The following NBEA variants were observed in gnomAD, a reference collection of about 807,000 sequenced individuals.
The protein encoded by NBEA is neurobeachin, also known as lysosomal-trafficking regulator 2.
NBEA carries 44 observed loss-of-function variants against 343.4 expected under a neutral mutation model. That is an observed-to-expected ratio of 0.13 (90% CI 0.10 to 0.16). The LOEUF (loss-of-function observed/expected upper bound fraction) is 0.16. Among genes scored for constraint, NBEA ranks in the 10% least tolerant of loss-of-function variants. The pLI, the probability that NBEA is intolerant of heterozygous loss-of-function variation, is 1.00. For synonymous variants in NBEA, 1,175 were observed against 1,238.7 expected (o/e 0.95, Z 1.08); for missense variants, 2,555 against 3,631.3 (o/e 0.70, Z 7.62).
At chr13:35,420,215 G>T (rs529779720) in intron 38 of NBEA, among the ~76,000 whole-genome samples, 1 of 152,042 alleles carries the variant, frequency 6.6e-6, no homozygotes, top group Non-Finnish European at 1.5e-5. Context: ...TTTAGGTGGA[G>T]AACATTCAGT....
At chr13:35,290,361 A>G in intron 34 of NBEA, 28 bp from the exon 35 acceptor site, 1 of 1,505,098 alleles carries the variant, frequency 6.6e-7, no homozygotes, top group Non-Finnish European at 9.2e-7. Context: ...TTGTAATTTC[A>G]TTTTGTTTTA....
At chr13:35,513,141 T>C (rs1436926656) in intron 41 of NBEA, among the ~76,000 whole-genome samples, 2 of 137,602 alleles carry the variant, frequency 1.5e-5, no homozygotes, top group East Asian at 2.0e-4. Flanking sequence ...TACTTTTTTC[T>C]TTTTTTTTTT....
intron 33 of NBEA, among the ~76,000 whole-genome samples, chr13:35,219,448 G>C (rs755077746): frequency 2.0e-5 from 3 of 152,122 alleles, no homozygotes; most frequent in African/African-American, 7.2e-5. Context: ...CTCCAGTAGG[G>C]CATGAGAATT....
At chr13:34,987,764 CT>C (rs1265963932) in intron 1 of NBEA, among the ~76,000 whole-genome samples, 1 of 150,936 alleles carries the variant, frequency 6.6e-6, no homozygotes, top group Non-Finnish European at 1.5e-5. Context: ...CACTGATATT[CT>C]TTTTTCCACT....
At chr13:35,200,333 A>G (rs1216825039) in intron 31 of NBEA, among the ~76,000 whole-genome samples, 1 of 151,428 alleles carries the variant, frequency 6.6e-6, no homozygotes, top group Non-Finnish European at 1.5e-5. Context: ...TAAACTAAAA[A>G]TTTAATCTTA....
chr13:35,339,783 A>G (rs2039478324), intron 36 of NBEA, among the ~76,000 whole-genome samples: 1 of 152,048 alleles, frequency 6.6e-6, no homozygotes, highest in African/African-American at 2.4e-5. Flanking sequence ...ACCAAAGTTC[A>G]TGAGATCTCA....
intron 41 of NBEA, among the ~76,000 whole-genome samples, chr13:35,506,562 C>T (rs2077079906): frequency 6.6e-6 from 1 of 152,088 alleles, no homozygotes. Context: ...GTTAAAACAG[C>T]CCAGGGGTCA....
At chr13:35,355,770 A>G (rs1008402064) in intron 38 of NBEA, among the ~76,000 whole-genome samples, 16 of 151,888 alleles carry the variant, frequency 1.1e-4, no homozygotes, top group Non-Finnish European at 2.2e-4. Flanking sequence ...CAAAAAGTTC[A>G]TTGGTCAAAC....
chr13:34,972,169 TGTGGA>T (rs2060019950), intron 1 of NBEA, among the ~76,000 whole-genome samples: 1 of 152,174 alleles, frequency 6.6e-6, no homozygotes, highest in Admixed American at 6.6e-5. Flanking sequence ...TTTGTGTTTC[TGTGGA>T]GTATTCCCCT....
chr13:35,353,789 T>C (rs912298999), intron 38 of NBEA, among the ~76,000 whole-genome samples: 1 of 152,142 alleles, frequency 6.6e-6, no homozygotes. Context: ...AAAACTTACA[T>C]AGTATCACAC....
chr13:35,475,585 G>A, intron 41 of NBEA: 2 of 1,613,592 alleles, frequency 1.2e-6, no homozygotes, highest in Non-Finnish European at 1.7e-6. Context: ...TGGCCAGTGG[G>A]CAGCACTCCT....
intron 34 of NBEA, among the ~76,000 whole-genome samples, chr13:35,287,921 A>T (rs1398798440): frequency 6.6e-6 from 1 of 152,040 alleles, no homozygotes; most frequent in Non-Finnish European, 1.5e-5. Flanking sequence ...ATGAGTCAGC[A>T]TATATGTAAG....
chr13:35,169,509 T>TTATAATTTTATTTATAATTATA (rs1325505431), intron 25 of NBEA, among the ~76,000 whole-genome samples: 4 of 151,566 alleles, frequency 2.6e-5, no homozygotes, highest in African/African-American at 9.7e-5. Flanking sequence ...TTAATAATTC[T>TTATAATTTTATTTATAATTATA]ATTTATAATT....
chr13:35,051,698 C>T (rs915209032), intron 6 of NBEA, among the ~76,000 whole-genome samples: 2 of 151,806 alleles, frequency 1.3e-5, no homozygotes, highest in African/African-American at 4.8e-5. Flanking sequence ...TCTGGAAATT[C>T]TGTTTTATTA....
At chr13:35,300,707 G>T (rs1036228292) in intron 35 of NBEA, among the ~76,000 whole-genome samples, 2 of 152,136 alleles carry the variant, frequency 1.3e-5, no homozygotes, top group African/African-American at 4.8e-5. Context: ...ATGGAAAGGG[G>T]CAATAAGAAG....
chr13:35,425,975 G>C (rs914871635), intron 38 of NBEA, among the ~76,000 whole-genome samples: 1 of 151,818 alleles, frequency 6.6e-6, no homozygotes, highest in East Asian at 1.9e-4. Context: ...GCAACCCCTG[G>C]CTTTTTCTGT....
chr13:35,660,492 C>A lies in NBEA; in HGVS notation c.8363-4593C>A, dbSNP rs904604170. Among the ~76,000 whole-genome samples the A allele has an allele frequency of 2.0e-5, 3 of 152,136 alleles. No homozygotes were observed. In the East Asian group the frequency reaches 5.8e-4, roughly 29 times the overall value. ...CACTTTTTAAAAATAAGTATTTTAGCTCGTGTACGGGCATTATGCAGACTG... is the reference window on the plus strand; with the variant it reads ...CACTTTTTAAAAATAAGTATTTTAGATCGTGTACGGGCATTATGCAGACTG... On this transcript the variant is annotated intron_variant, in intron 55 of 58. Coordinates refer to ENST00000379939, the MANE Select transcript of NBEA (RefSeq NM_001385012.1).
At chr13:35,007,095 A>G (rs1312498446) in intron 1 of NBEA, among the ~76,000 whole-genome samples, 1 of 151,274 alleles carries the variant, frequency 6.6e-6, no homozygotes, top group Non-Finnish European at 1.5e-5. Context: ...TTTTTTTTGT[A>G]CTAGTGAAAT....
intron 41 of NBEA, among the ~76,000 whole-genome samples, chr13:35,477,967 G>A (rs1242818464): frequency 6.6e-6 from 1 of 151,950 alleles, no homozygotes; most frequent in Non-Finnish European, 1.5e-5. Flanking sequence ...GTTACGTTGT[G>A]GTTTTTAAAA....
Sources: allele counts gnomAD v4.1 joint callset (sites outside exome capture counted in the v4.1 genomes callset), GRCh38; gene constraint gnomAD v4.1.1; transcripts MANE v1.5; gene names NCBI Gene and HGNC (gene_info 2026-07-23, HGNC 2026-07-21).